The following KCNJ3 variants were observed in gnomAD, a reference collection of about 807,000 sequenced individuals.
The protein encoded by KCNJ3 is potassium inwardly rectifying channel subfamily J member 3.
In KCNJ3, 4 loss-of-function variants were observed where a neutral mutation model predicts 39.2. That is an observed-to-expected ratio of 0.10 (90% confidence interval 0.05 to 0.23). The LOEUF (loss-of-function observed/expected upper bound fraction) is 0.23. Among genes scored for constraint, KCNJ3 ranks in the 10% least tolerant of loss-of-function variants. The probability of loss-of-function intolerance (pLI) is 1.00; values close to 1 mark genes in which losing one functional copy is unlikely to be tolerated. For synonymous variants in KCNJ3, 230 were observed against 237.4 expected (o/e 0.97, Z 0.29); for missense variants, 276 against 634.9 (o/e 0.43, Z 6.08).
rs191803098 is a variant in KCNJ3, at chr2:154,820,168, T to G, written c.920-34559T>G. Among the ~76,000 whole-genome samples the G allele has an allele frequency of 2.1e-4, 32 of 152,258 alleles. No homozygotes were observed. In the East Asian group the frequency reaches 6.2e-3, roughly 29 times the overall value. On this transcript the variant is annotated intron_variant, in intron 2 of 2. Coordinates refer to ENST00000295101, the MANE Select transcript of KCNJ3 (RefSeq NM_002239.4). ...ATTCAAATTCCACCAGTTGTTTTCA[T>G]TAATTATTTTTTCCTTCTTCTTCCA...
intron 2 of KCNJ3, among the ~76,000 whole-genome samples, chr2:154,772,834 G>A (rs1214959522): frequency 2.0e-5 from 3 of 151,920 alleles, no homozygotes; most frequent in Non-Finnish European, 4.4e-5. Flanking sequence ...TCATCTCGGT[G>A]TCTAAAAGTC....
intron 2 of KCNJ3, among the ~76,000 whole-genome samples, chr2:154,786,922 GT>G (rs1187409216): frequency 1.3e-5 from 2 of 152,162 alleles, no homozygotes; most frequent in African/African-American, 4.8e-5. Context: ...TAGTGGCTAT[GT>G]TTGCAACTAT....
chr2:154,818,917 C>CTTT (rs1687123699), intron 2 of KCNJ3, among the ~76,000 whole-genome samples: 2 of 76,620 alleles, frequency 2.6e-5, no homozygotes, highest in South Asian at 1.0e-3. Context: ...GCTGCAAAAG[C>CTTT]CTTTTTTTTT....
intron 2 of KCNJ3, among the ~76,000 whole-genome samples, chr2:154,848,584 T>G (rs1687702234): frequency 6.6e-6 from 1 of 152,200 alleles, no homozygotes; most frequent in African/African-American, 2.4e-5. Flanking sequence ...CCACATGTAA[T>G]AGCAGCTACA....
intron 2 of KCNJ3, among the ~76,000 whole-genome samples, chr2:154,746,613 T>G (rs1349359338): frequency 1.9e-5 from 1 of 53,258 alleles, no homozygotes; most frequent in Admixed American, 1.7e-4. Flanking sequence ...TACACAGATA[T>G]ATATATATAT....
rs1687837814 is a variant in KCNJ3 at position 154,856,246 on chromosome 2, A to G, written c.*933A>G. On this transcript the variant is annotated 3_prime_UTR_variant, in exon 3 of 3. Coordinates refer to ENST00000295101, the MANE Select transcript of KCNJ3 (RefSeq NM_002239.4). ...TCTAATACAAAGATGAGCTCTGAAC[A>G]AACACTGAATCATGTTAATAGACAG... 1 of 152,604 alleles carries G rather than the reference A, an allele frequency of 6.6e-6. No homozygotes were observed. The highest frequency in any genetic ancestry group is 2.1e-4 in the South Asian group (1 of 4,834). 9.5% of individuals were successfully genotyped at this position (152,604 alleles called of 1,614,324 possible).
intron 2 of KCNJ3, among the ~76,000 whole-genome samples, chr2:154,844,915 G>GC (rs1388194093): frequency 1.3e-5 from 2 of 152,094 alleles, no homozygotes; most frequent in Non-Finnish European, 2.9e-5. Context: ...GTGAGGCGAC[G>GC]CCTTGCCCTG....
At chr2:154,705,260 T>C (rs1255105484) in intron 1 of KCNJ3, among the ~76,000 whole-genome samples, 3 of 152,188 alleles carry the variant, frequency 2.0e-5, no homozygotes, top group African/African-American at 4.8e-5. Flanking sequence ...CACTTGGCCA[T>C]ATATCCACGA....
intron 2 of KCNJ3, among the ~76,000 whole-genome samples, chr2:154,777,007 A>G (rs1165964321): frequency 6.6e-6 from 1 of 151,754 alleles, no homozygotes. Context: ...TAGTTTATCC[A>G]GAAGTCTCTC....
At chr2:154,844,744 C>A (rs556437564) in intron 2 of KCNJ3, among the ~76,000 whole-genome samples, 112 of 152,340 alleles carry the variant, frequency 7.4e-4, no homozygotes, top group Non-Finnish European at 1.4e-3. Context: ...GGGTGTGGAA[C>A]CCTCCGAGGC....
At chr2:154,711,162 C>T (rs996518064) in intron 2 of KCNJ3, among the ~76,000 whole-genome samples, 1 of 151,976 alleles carries the variant, frequency 6.6e-6, no homozygotes, top group African/African-American at 2.4e-5. Flanking sequence ...TTCATTTTTT[C>T]AACTTATAAT....
chr2:154,807,324 T>G (rs1024860418), intron 2 of KCNJ3, among the ~76,000 whole-genome samples: 2 of 152,108 alleles, frequency 1.3e-5, no homozygotes, highest in African/African-American at 4.8e-5. Flanking sequence ...TTCACAGAAA[T>G]AGTACAATCT....
At chr2:154,780,742 T>A (rs1161361658) in intron 2 of KCNJ3, among the ~76,000 whole-genome samples, 1 of 152,194 alleles carries the variant, frequency 6.6e-6, no homozygotes, top group East Asian at 1.9e-4. Context: ...ACCATATGCA[T>A]GTATTTAGAA....
intron 2 of KCNJ3, among the ~76,000 whole-genome samples, chr2:154,712,911 C>T (rs567970384): frequency 6.6e-6 from 1 of 152,100 alleles, no homozygotes; most frequent in African/African-American, 2.4e-5. Context: ...ATCCAGAAGG[C>T]CCTTTTGGTC....
intron 2 of KCNJ3, among the ~76,000 whole-genome samples, chr2:154,799,912 G>A (rs1460693251): frequency 6.6e-6 from 1 of 152,172 alleles, no homozygotes; most frequent in Non-Finnish European, 1.5e-5. Flanking sequence ...TAGTACGTTA[G>A]CAGATTTTAA....
chr2:154,726,796 T>TACACACACACACACACACACACAC (rs58366846), intron 2 of KCNJ3, among the ~76,000 whole-genome samples: 3 of 115,378 alleles, frequency 2.6e-5, no homozygotes, highest in Admixed American at 8.5e-5. Context: ...TTTATATACA[T>TACACACACACACACACACACACAC]ACACACACAC....
intron 2 of KCNJ3, among the ~76,000 whole-genome samples, chr2:154,727,361 G>A (rs547790624): frequency 7.3e-5 from 11 of 151,704 alleles, no homozygotes; most frequent in East Asian, 5.8e-4. Context: ...TGAGATGGGC[G>A]GATCACCTGA....
At chr2:154,707,321 T>TATAA (rs1254066843) in intron 1 of KCNJ3, among the ~76,000 whole-genome samples, 3 of 151,984 alleles carry the variant, frequency 2.0e-5, no homozygotes, top group African/African-American at 7.2e-5. Context: ...AGAAGGTATA[T>TATAA]TAAGTCTCAA....
At chr2:154,733,967 T>C (rs529936839) in intron 2 of KCNJ3, among the ~76,000 whole-genome samples, 1 of 152,184 alleles carries the variant, frequency 6.6e-6, no homozygotes, top group East Asian at 1.9e-4. Flanking sequence ...GATTTATGAG[T>C]CCTGAAACTT....
Sources: gnomAD v4.1 joint callset for allele counts (sites outside exome capture counted in the v4.1 genomes callset) on GRCh38, gnomAD v4.1.1 for gene constraint, MANE v1.5 for transcripts, NCBI Gene and HGNC (gene_info 2026-07-23, HGNC 2026-07-21) for gene names.